The following HSF2BP variants were observed in gnomAD, a reference collection of about 807,000 sequenced individuals.
HSF2BP encodes heat shock transcription factor 2 binding protein, also known as heat shock factor 2-binding protein.
HSF2BP carries 35 observed loss-of-function variants against 35.0 expected under a neutral mutation model. The observed-to-expected ratio is 1.00, with a 90% CI of 0.76 to 1.32. HSF2BP has a LOEUF of 1.32. HSF2BP is among the 40% of genes most tolerant of loss of function. The pLI, the probability that HSF2BP is intolerant of heterozygous loss-of-function variation, is 0.00. For synonymous variants in HSF2BP, 114 were observed against 117.4 expected (o/e 0.97, Z 0.18); for missense variants, 326 against 321.7 (o/e 1.01, Z -0.10).
Position 43,658,056 on chromosome 21 carries a change from C to T in HSF2BP, c.36+5G>A. ...GCTGGCGTCGGCCAGGGCTTCCTCA[C>T]TAACCCGGCAGGCCTCCTCAGCGGC... is the stretch of plus-strand genomic sequence containing the variant. On this transcript the variant is annotated splice_donor_5th_base_variant and intron_variant, in intron 2 of 8. Coordinates refer to ENST00000291560, the MANE Select transcript of HSF2BP (RefSeq NM_007031.2). 1 of 1,535,958 alleles carries T rather than the reference C, an allele frequency of 6.5e-7. No homozygotes were observed. The highest frequency in any genetic ancestry group is 2.0e-5 in the Admixed American group (1 of 50,944).
At chr21:43,627,024 C>A (rs532921880) in intron 6 of HSF2BP, among the ~76,000 whole-genome samples, 1 of 152,022 alleles carries the variant, frequency 6.6e-6, no homozygotes, top group African/African-American at 2.4e-5. Flanking sequence ...TGCGCCACCA[C>A]GCCTGGCTAA....
At chr21:43,658,732 A>T (rs766521950) in intron 1 of HSF2BP, among the ~76,000 whole-genome samples, 3 of 152,218 alleles carry the variant, frequency 2.0e-5, no homozygotes, top group Admixed American at 6.5e-5. Context: ...ACTCCCCTGG[A>T]AGCGCGCGTG....
intron 7 of HSF2BP, among the ~76,000 whole-genome samples, chr21:43,601,768 TGAG>T (rs1010628786): frequency 1.3e-5 from 2 of 152,184 alleles, no homozygotes; most frequent in Non-Finnish European, 2.9e-5. Flanking sequence ...CTGGAAATGA[TGAG>T]GACTCTAAAC....
chr21:43,574,283 G>A (rs1485451654), intron 8 of HSF2BP, among the ~76,000 whole-genome samples: 2 of 151,558 alleles, frequency 1.3e-5, no homozygotes, highest in African/African-American at 4.9e-5. Context: ...GAAGACATCA[G>A]CAAATCTACA....
intron 7 of HSF2BP, among the ~76,000 whole-genome samples, chr21:43,602,165 A>G (rs2082059947): frequency 6.6e-6 from 1 of 152,216 alleles, no homozygotes; most frequent in African/African-American, 2.4e-5. Flanking sequence ...AACGGGAGAG[A>G]GACAAACAAA....
intron 8 of HSF2BP, among the ~76,000 whole-genome samples, chr21:43,578,148 C>T (rs2081669131): frequency 6.6e-6 from 1 of 152,158 alleles, no homozygotes; most frequent in South Asian, 2.1e-4. Flanking sequence ...CAGAAGGATG[C>T]CCTGCACTGA....
chr21:43,584,249 A>G (rs1330756924), intron 8 of HSF2BP, among the ~76,000 whole-genome samples: 2 of 152,082 alleles, frequency 1.3e-5, no homozygotes, highest in Non-Finnish European at 2.9e-5. Flanking sequence ...GAGATGAGGG[A>G]GTCCCAATAT....
At chr21:43,651,097 A>T (rs544554109) in intron 3 of HSF2BP, among the ~76,000 whole-genome samples, 1 of 152,312 alleles carries the variant, frequency 6.6e-6, no homozygotes, top group South Asian at 2.1e-4. Context: ...GCCGAGCCAG[A>T]AGCTAAGCTG....
the HSF2BP span, among the ~76,000 whole-genome samples, chr21:43,501,113 A>AC: frequency 9.1e-6 from 1 of 109,476 alleles, no homozygotes; most frequent in Non-Finnish European, 1.9e-5. Flanking sequence ...GGGTGGGAGG[A>AC]CCCCCTCTAA....
In HSF2BP at chr21:43,646,966, C is replaced by G. The variant is rs185240160; in HGVS notation, c.188-2574G>C. On this transcript the variant is annotated intron_variant, in intron 3 of 8. Coordinates refer to ENST00000291560, the MANE Select transcript of HSF2BP (RefSeq NM_007031.2). ...GGCAGGGATTTGCATAGGTTTTCTT[C>G]TATGCCCACCCTCCAAATGTCTATA... Among the ~76,000 whole-genome samples the G allele has an allele frequency of 2.2e-3, 329 of 152,320 alleles. 1 individual carries two copies. Among genetic ancestry groups the G allele is most frequent in the Non-Finnish European group, 3.5e-3 (237 of 68,028 alleles).
intron 6 of HSF2BP, among the ~76,000 whole-genome samples, chr21:43,614,433 C>T (rs1163631869): frequency 1.3e-5 from 2 of 151,472 alleles, no homozygotes; most frequent in African/African-American, 4.9e-5. Context: ...ACAAGAGTTA[C>T]TGAAATATCA....
Position 43,630,324 on chromosome 21 carries a change from G to T in HSF2BP, c.572C>A (p.Thr191Lys). 6.2e-7 allele frequency: 1 copy of T among 1,611,264 alleles called. No individual in the cohort carries two copies. Among genetic ancestry groups the T allele is most frequent in the South Asian group, 1.1e-5 (1 of 90,358 alleles). Residue 191 changes from threonine (T) to lysine (K), a missense_variant and splice_region_variant, in exon 6 of 9, where the codon ACG becomes AAG. Physicochemically the swap from Thr to Lys is moderately conservative, Grantham distance 78. Transcript: ENST00000291560. ...CTCTCAGGTGCGCCTGCACTTACTC[G>T]TGACAATTCCAGCCAGAGCGAAAAC... ...QFVFALAGIV[T>K]NVAAIACGRE...
intron 5 of HSF2BP, among the ~76,000 whole-genome samples, chr21:43,631,422 T>C (rs956198163): frequency 1.3e-5 from 2 of 152,058 alleles, no homozygotes; most frequent in African/African-American, 4.8e-5. Context: ...ATGTTCCTTC[T>C]TTCCCATCTC....
At chr21:43,643,741 G>T (rs1015899351) in intron 4 of HSF2BP, among the ~76,000 whole-genome samples, 1 of 152,130 alleles carries the variant, frequency 6.6e-6, no homozygotes, top group Admixed American at 6.5e-5. Context: ...GGCAGATCAA[G>T]AGGTCTGGAG....
At chr21:43,653,280 A>G (rs1004646498) in intron 3 of HSF2BP, among the ~76,000 whole-genome samples, 8 of 149,424 alleles carry the variant, frequency 5.4e-5, no homozygotes, top group African/African-American at 9.8e-5. Context: ...AGAAGGAAGG[A>G]AGAGAGAGAG....
At chr21:43,599,408 C>T (rs1183605994) in intron 7 of HSF2BP, among the ~76,000 whole-genome samples, 1 of 152,134 alleles carries the variant, frequency 6.6e-6, no homozygotes, top group African/African-American at 2.4e-5. Flanking sequence ...CTATTCCAAC[C>T]AAAAATATTT....
chr21:43,573,727 C>G (rs938866387), intron 8 of HSF2BP, among the ~76,000 whole-genome samples: 10 of 152,118 alleles, frequency 6.6e-5, no homozygotes, highest in Non-Finnish European at 1.5e-4. Flanking sequence ...TGAAGGGGCA[C>G]CTGGCAGTCT....
Position 43,596,052 on chromosome 21 carries a change from C to A in HSF2BP, c.693-3724G>T, listed in dbSNP as rs534974259. Among the ~76,000 whole-genome samples the A allele has an allele frequency of 2.6e-5, 4 of 152,042 alleles. No homozygotes were observed. The East Asian group carries it at 7.7e-4, about 29-fold the overall frequency. The stretch of plus-strand genomic sequence containing the variant: ...ATATTTCATACTGAAAAGTTCAGTT[C>A]ATCAGGAGGGTAGCATTTTAAACTT... On this transcript the variant is annotated intron_variant, in intron 7 of 8. Coordinates refer to ENST00000291560, the MANE Select transcript of HSF2BP (RefSeq NM_007031.2).
At chr21:43,646,158 A>AC (rs1313259089) in intron 3 of HSF2BP, among the ~76,000 whole-genome samples, 7 of 151,800 alleles carry the variant, frequency 4.6e-5, no homozygotes, top group Non-Finnish European at 1.0e-4. Context: ...AAAAAAAAAA[A>AC]AAAAAAGTGG....
Sources: allele counts gnomAD v4.1 joint callset (sites outside exome capture counted in the v4.1 genomes callset), GRCh38; gene constraint gnomAD v4.1.1; transcripts MANE v1.5; gene names NCBI Gene and HGNC (gene_info 2026-07-23, HGNC 2026-07-21).